The following ZSWIM4 variants were observed in gnomAD, a reference collection of about 807,000 sequenced individuals.
ZSWIM4 encodes zinc finger SWIM domain-containing protein 4.
A neutral mutation model predicts 102.5 loss-of-function variants in ZSWIM4; 62 were observed. That is an observed-to-expected ratio of 0.60 (90% CI 0.49 to 0.75). The LOEUF (loss-of-function observed/expected upper bound fraction) is 0.75. ZSWIM4 is among the 30% of genes least tolerant of loss of function. The probability of loss-of-function intolerance (pLI) is 0.00; values close to 1 mark genes in which losing one functional copy is unlikely to be tolerated. For synonymous variants in ZSWIM4, 652 were observed against 674.5 expected (o/e 0.97, Z 0.52); for missense variants, 1,280 against 1,529.6 (o/e 0.84, Z 2.72).
chr19:13,823,762 A>G (rs1975532359), intron 11 of ZSWIM4, among the ~76,000 whole-genome samples: 2 of 152,190 alleles, frequency 1.3e-5, no homozygotes, highest in South Asian at 4.1e-4. Context: ...AACAGGTGCC[A>G]TGGAGTGGAA....
intron 11 of ZSWIM4, among the ~76,000 whole-genome samples, chr19:13,823,822 G>T (rs544852802): frequency 1.2e-4 from 19 of 152,210 alleles, no homozygotes; most frequent in Non-Finnish European, 2.4e-4. Context: ...GTGGAGCCTT[G>T]CAGGTACCTG....
At chr19:13,797,902 C>T (rs1974653558) in intron 1 of ZSWIM4, among the ~76,000 whole-genome samples, 3 of 152,188 alleles carry the variant, frequency 2.0e-5, no homozygotes, top group East Asian at 3.9e-4. Flanking sequence ...ATCCTCCCAC[C>T]TTGGCCTCCC....
At chr19:13,806,883 G>A (rs998773543) in intron 3 of ZSWIM4, among the ~76,000 whole-genome samples, 2 of 152,102 alleles carry the variant, frequency 1.3e-5, no homozygotes, top group Non-Finnish European at 2.9e-5. Context: ...GATCAACATC[G>A]TGGGTGGGCA....
intron 6 of ZSWIM4, among the ~76,000 whole-genome samples, chr19:13,814,268 C>T (rs919199131): frequency 1.3e-5 from 2 of 151,978 alleles, no homozygotes; most frequent in South Asian, 2.1e-4. Flanking sequence ...AGGCTGGTCT[C>T]GAACTCCTGG....
chr19:13,819,957 A>G (rs145878140), intron 10 of ZSWIM4, among the ~76,000 whole-genome samples: 1,541 of 151,004 alleles, frequency 0.01, 21 homozygotes, highest in African/African-American at 0.036. Context: ...CCAGGTTCAC[A>G]CCATTCTCCT....
At position 13,831,053 on chromosome 19, in the gene ZSWIM4, G is replaced by C. The variant is rs1975755200; in HGVS notation, c.*3G>C. The C allele has an allele frequency of 6.4e-7, 1 of 1,571,032 alleles. No homozygotes were observed. Among genetic ancestry groups the C allele is most frequent in the African/African-American group, 1.4e-5 (1 of 73,830 alleles). ...TGGTGCGGGAGCGTTTTGGTTGAGGGACAGTGGGGTGCGTGGGAGTGGGGA... is the reference window on the plus strand; with the variant it reads ...TGGTGCGGGAGCGTTTTGGTTGAGGCACAGTGGGGTGCGTGGGAGTGGGGA... On this transcript the variant is annotated 3_prime_UTR_variant, in exon 14 of 14. Coordinates refer to ENST00000590508, the MANE Select transcript of ZSWIM4 (RefSeq NM_001367834.3).
rs142128598 is a variant in ZSWIM4 at position 13,817,369 on chromosome 19, A to G, written c.1669+16A>G. On this transcript the variant is annotated intron_variant, in intron 8 of 13. Transcript: ENST00000590508. Reference sequence around the variant, plus strand: ...CTTTACCCAGGTACTCACATGGGGTACTCTTGGAGGAGGTGGGACAACCCC... The same window carrying G: ...CTTTACCCAGGTACTCACATGGGGTGCTCTTGGAGGAGGTGGGACAACCCC... The G allele has an allele frequency of 2.5e-6, 4 of 1,607,462 alleles. No homozygotes were observed. Among genetic ancestry groups the G allele is most frequent in the Non-Finnish European group, 3.4e-6 (4 of 1,175,412 alleles).
At chr19:13,805,591 T>G (rs1221445825) in intron 3 of ZSWIM4, among the ~76,000 whole-genome samples, 3 of 151,608 alleles carry the variant, frequency 2.0e-5, no homozygotes, top group East Asian at 3.9e-4. Context: ...TCCGAGGGGC[T>G]TGGGTTGCCT....
chr19:13,803,517 C>G (rs10417705), intron 2 of ZSWIM4, among the ~76,000 whole-genome samples: 75 of 151,512 alleles, frequency 5.0e-4, no homozygotes, highest in Admixed American at 2.8e-3. Context: ...CTCGGTGGCT[C>G]GCGCCTATAA....
intron 9 of ZSWIM4, 68 bp from the exon 10 acceptor site, chr19:13,819,289 C>T: frequency 6.3e-7 from 1 of 1,591,842 alleles, no homozygotes; most frequent in Non-Finnish European, 8.6e-7. Flanking sequence ...AGCCTGGGGT[C>T]TAGTGAGACC....
intron 13 of ZSWIM4, 45 bp downstream of exon 13, chr19:13,828,771 T>C (rs753025832): frequency 4.4e-6 from 7 of 1,576,532 alleles, no homozygotes; most frequent in Non-Finnish European, 6.1e-6. Flanking sequence ...GCTGTTCTGG[T>C]TCTGCAGAGC....
chr19:13,816,565 G>A (rs1975293787), intron 7 of ZSWIM4, among the ~76,000 whole-genome samples: 1 of 152,166 alleles, frequency 6.6e-6, no homozygotes, highest in African/African-American at 2.4e-5. Context: ...GGTACCTGGA[G>A]GTTGTGGTGA....
chr19:13,826,060 C>T (rs116731233), intron 12 of ZSWIM4, among the ~76,000 whole-genome samples: 1,535 of 152,230 alleles, frequency 0.01, 21 homozygotes, highest in African/African-American at 0.036. Flanking sequence ...GTGTGAACCT[C>T]ACCTTTAGGG....
chr19:13,821,284 C>CA (rs796387107), intron 10 of ZSWIM4, among the ~76,000 whole-genome samples: 3,643 of 62,002 alleles, frequency 0.059, 167 homozygotes, highest in African/African-American at 0.18. Context: ...ACTCTGTCTC[C>CA]AAAAAAAAAA....
In ZSWIM4 at chr19:13,795,724, G is replaced by A. The variant is rs775001644; in HGVS notation, c.76G>A (p.Ala26Thr). The change falls in exon 1 of 14, where the codon GCG becomes ACG. Residue 26 changes from alanine to threonine, a missense_variant. Transcript: ENST00000590508. ...PEERDAGAGA[A>T]RGRGRPEALL... Reference sequence around the variant, plus strand: ...GGAGCGCGATGCCGGGGCCGGGGCCGCGCGTGGCCGGGGCCGGCCCGAGGC... The same window carrying A: ...GGAGCGCGATGCCGGGGCCGGGGCCACGCGTGGCCGGGGCCGGCCCGAGGC... The A allele has an allele frequency of 4.7e-4, 574 of 1,214,086 alleles. No individual in the cohort carries two copies. The highest frequency in any genetic ancestry group is 4.8e-4 in the Non-Finnish European group (467 of 975,162). The allele number at this position is 1,214,086 out of a possible 1,614,324, so 75.2% of individuals were successfully genotyped here. A position where few individuals can be genotyped will look rare whatever the true frequency, so the allele number is the denominator to read the frequency against.
chr19:13,820,659 G>GTTA (rs1044575739), intron 10 of ZSWIM4, among the ~76,000 whole-genome samples: 69 of 152,318 alleles, frequency 4.5e-4, no homozygotes, highest in African/African-American at 1.6e-3. Context: ...TGCAAGCAGG[G>GTTA]TTATCACTTT....
Position 13,817,893 on chromosome 19 carries a change from A to G in ZSWIM4, c.1841A>G (p.Gln614Arg). 1 of 1,550,178 alleles carries G rather than the reference A, an allele frequency of 6.5e-7. No homozygotes were observed. Among genetic ancestry groups the G allele is most frequent in the Non-Finnish European group, 8.7e-7 (1 of 1,146,404 alleles). The change falls in exon 9 of 14, where the codon CAG becomes CGG. Residue 614 changes from glutamine (Q) to arginine (R), a missense_variant. Transcript: ENST00000590508. ...AQDKVVRNEE[Q>R]LLALLEEVEL... ...GACAAGGTGGTGCGCAACGAGGAGCAGCTGCTGGCCCTGCTGGAGGAGGTG... is the reference window on the plus strand; with the variant it reads ...GACAAGGTGGTGCGCAACGAGGAGCGGCTGCTGGCCCTGCTGGAGGAGGTG...
At chr19:13,819,246 C>G in intron 9 of ZSWIM4, 111 bp from the exon 10 acceptor site, 1 of 1,463,860 alleles carries the variant, frequency 6.8e-7, no homozygotes, top group South Asian at 1.4e-5. Flanking sequence ...GCCACAGCCA[C>G]TCTACCCAGG....
intron 2 of ZSWIM4, among the ~76,000 whole-genome samples, chr19:13,803,128 C>G (rs868569551): frequency 6.6e-6 from 1 of 152,226 alleles, no homozygotes. Flanking sequence ...TATGATGCCC[C>G]GTCGGCTCTA....
Sources: allele counts gnomAD v4.1 joint callset (sites outside exome capture counted in the v4.1 genomes callset), GRCh38; gene constraint gnomAD v4.1.1; transcripts MANE v1.5; gene names NCBI Gene and HGNC (gene_info 2026-07-23, HGNC 2026-07-21).